Variants in PLXNA4 observed in about 807,000 individuals in gnomAD.
PLXNA4 encodes the protein plexin A4, also known as plexin-A4.
Under a neutral mutation model 191.8 loss-of-function variants are expected in PLXNA4, and 44 were observed. The ratio of observed to expected loss-of-function variants is 0.23; its 90% CI spans 0.18 to 0.29. The LOEUF is 0.29. Ranked by LOEUF, PLXNA4 falls within the 10% of genes least tolerant of loss-of-function variation. The probability of loss-of-function intolerance (pLI) is 1.00; values close to 1 mark genes in which losing one functional copy is unlikely to be tolerated. For synonymous variants in PLXNA4, 1,082 were observed against 1,009.5 expected (o/e 1.07, Z -1.36); for missense variants, 1,800 against 2,488.8 (o/e 0.72, Z 5.89).
chr7:132,456,861 A>G lies in PLXNA4; in HGVS notation c.1371+32431T>C, dbSNP rs183213045. On this transcript the variant is annotated intron_variant, in intron 3 of 31. Transcript: ENST00000321063. ...TCCTACATCCCCATAGAGATAACCG[A>G]CACCATCTGATTTGTCTCACATTCC... Among the ~76,000 whole-genome samples the G allele has an allele frequency of 4.0e-3, 604 of 152,268 alleles. 2 individuals carry two copies. Among genetic ancestry groups the G allele is most frequent in the South Asian group, 0.01 (49 of 4,820 alleles).
At chr7:132,321,154 C>T (rs1270181137) in intron 3 of PLXNA4, among the ~76,000 whole-genome samples, 6 of 152,170 alleles carry the variant, frequency 3.9e-5, no homozygotes, top group East Asian at 3.9e-4. Flanking sequence ...GCCACCCCCT[C>T]GCGCTTACTT....
rs998957318 is a variant in PLXNA4 at position 132,554,217 on chromosome 7, T to C, written c.-87+22205A>G. 5.3e-5 allele frequency among the ~76,000 whole-genome samples: 8 copies of C among 152,240 alleles called. No homozygotes were observed. The East Asian group carries it at 1.5e-3, about 29-fold the overall frequency. On this transcript the variant is annotated intron_variant, in intron 1 of 31. Transcript: ENST00000321063. Reference sequence around the variant, plus strand: ...GTGAACACAGGGCCTGTGGTCACTGTAGAAGGGCTGAAGAGTAGAGGATGG... The same window carrying C: ...GTGAACACAGGGCCTGTGGTCACTGCAGAAGGGCTGAAGAGTAGAGGATGG...
chr7:132,282,900 A>C (rs1800538816), intron 4 of PLXNA4, among the ~76,000 whole-genome samples: 1 of 152,064 alleles, frequency 6.6e-6, no homozygotes, highest in African/African-American at 2.4e-5. Context: ...TTTTTGAGAT[A>C]GGGTTTTGCT....
At chr7:132,421,119 C>A (rs1266356308) in intron 3 of PLXNA4, among the ~76,000 whole-genome samples, 2 of 152,198 alleles carry the variant, frequency 1.3e-5, no homozygotes, top group Non-Finnish European at 2.9e-5. Context: ...CAGCTCTTGG[C>A]AACTACCATT....
intron 3 of PLXNA4, among the ~76,000 whole-genome samples, chr7:132,473,216 C>T (rs80296885): frequency 0.02 from 3,016 of 152,322 alleles, 54 homozygotes; most frequent in Non-Finnish European, 0.027. Flanking sequence ...AATCTTGCCA[C>T]TGGCTCAAGC....
intron 2 of PLXNA4, among the ~76,000 whole-genome samples, chr7:132,626,750 T>C (rs1219032273): frequency 6.6e-6 from 1 of 152,130 alleles, no homozygotes; most frequent in Admixed American, 6.6e-5. Context: ...AAGAATGACC[T>C]AACACATCTG....
chr7:132,324,239 AAG>A (rs1802278122), intron 3 of PLXNA4, among the ~76,000 whole-genome samples: 1 of 152,202 alleles, frequency 6.6e-6, no homozygotes, highest in African/African-American at 2.4e-5. Context: ...GAGAGGAAAA[AAG>A]AGAAAAATTT....
At chr7:132,510,956 T>C (rs1798689483) in intron 1 of PLXNA4, among the ~76,000 whole-genome samples, 1 of 152,034 alleles carries the variant, frequency 6.6e-6, no homozygotes, top group Non-Finnish European at 1.5e-5. Flanking sequence ...AAGACAGAAA[T>C]GAAATTGTAG....
chr7:132,125,860 G>A lies in PLXNA4; in HGVS notation c.*4619C>T, dbSNP rs1294612563. The A allele has an allele frequency of 6.6e-6, 1 of 152,406 alleles. No homozygotes were observed. The highest frequency in any genetic ancestry group is 6.5e-5 in the Admixed American group (1 of 15,272). The allele number at this position is 152,406 out of a possible 1,614,324, so 9.4% of individuals were successfully genotyped here. On this transcript the variant is annotated 3_prime_UTR_variant, in exon 32 of 32. Coordinates refer to ENST00000321063, the MANE Select transcript of PLXNA4 (RefSeq NM_020911.2). ...GACCCCTTGAAGGCCTTGAAGAGCTGGCTGGGGCTGCTCACTGGGCTCACT... is the reference window on the plus strand; with the variant it reads ...GACCCCTTGAAGGCCTTGAAGAGCTAGCTGGGGCTGCTCACTGGGCTCACT...
At chr7:132,510,290 T>C (rs1798655522) in intron 1 of PLXNA4, among the ~76,000 whole-genome samples, 2 of 152,200 alleles carry the variant, frequency 1.3e-5, no homozygotes, top group East Asian at 1.9e-4. Context: ...CTAGGTCAGA[T>C]GGAAACCAAG....
chr7:132,636,514 G>A (rs748618423), intron 2 of PLXNA4, among the ~76,000 whole-genome samples: 86 of 152,044 alleles, frequency 5.7e-4, no homozygotes, highest in African/African-American at 2.0e-3. Context: ...CCACACTCTC[G>A]GCTCCATCCC....
intron 3 of PLXNA4, chr7:132,367,792 G>C (rs1423392767): frequency 6.6e-6 from 1 of 152,240 alleles, no homozygotes; most frequent in Admixed American, 6.5e-5. Context: ...CTGCAGGGAT[G>C]GAACAGCCAC....
intron 1 of PLXNA4, among the ~76,000 whole-genome samples, chr7:132,517,834 G>A (rs1171672506): frequency 6.6e-6 from 1 of 152,220 alleles, no homozygotes; most frequent in Non-Finnish European, 1.5e-5. Context: ...GAGTTGGGGA[G>A]CAGCAACAGG....
chr7:132,454,477 A>G (rs992460210), intron 3 of PLXNA4, among the ~76,000 whole-genome samples: 2 of 152,090 alleles, frequency 1.3e-5, no homozygotes, highest in African/African-American at 4.8e-5. Context: ...TGCCTGGGAA[A>G]TGGCCCTACA....
intron 3 of PLXNA4, among the ~76,000 whole-genome samples, chr7:132,459,979 T>G (rs1796444531): frequency 6.7e-6 from 1 of 150,246 alleles, no homozygotes; most frequent in Non-Finnish European, 1.5e-5. Context: ...CATCAGCATA[T>G]AATACCAGTA....
intron 30 of PLXNA4, among the ~76,000 whole-genome samples, chr7:132,138,948 C>A (rs1357632784): frequency 6.6e-6 from 1 of 152,214 alleles, no homozygotes; most frequent in Non-Finnish European, 1.5e-5. Flanking sequence ...GACACTGTGG[C>A]ACTCGGATGA....
chr7:132,521,396 T>C (rs1799177671), intron 1 of PLXNA4, among the ~76,000 whole-genome samples: 1 of 152,110 alleles, frequency 6.6e-6, no homozygotes, highest in Non-Finnish European at 1.5e-5. Flanking sequence ...CAGAAGAACA[T>C]GTCATACATC....
chr7:132,245,088 G>A (rs976435906), intron 4 of PLXNA4, among the ~76,000 whole-genome samples: 3 of 151,992 alleles, frequency 2.0e-5, no homozygotes, highest in African/African-American at 4.8e-5. Context: ...AGAGCCACAC[G>A]ATTAATTAAA....
chr7:132,134,764 G>A (rs1166727597), intron 30 of PLXNA4, among the ~76,000 whole-genome samples: 1 of 152,148 alleles, frequency 6.6e-6, no homozygotes, highest in African/African-American at 2.4e-5. Flanking sequence ...CCCTGCCCCC[G>A]TCTCATTTGT....
Sources: gnomAD v4.1 joint callset for allele counts (sites outside exome capture counted in the v4.1 genomes callset) on GRCh38, gnomAD v4.1.1 for gene constraint, MANE v1.5 for transcripts, NCBI Gene and HGNC (gene_info 2026-07-23, HGNC 2026-07-21) for gene names.